ROBO2: variants seen among roughly 807,000 people sequenced by gnomAD.
ROBO2 encodes the protein roundabout guidance receptor 2.
A neutral mutation model predicts 160.8 loss-of-function variants in ROBO2; 53 were observed. The ratio of observed to expected loss-of-function variants is 0.33; its 90% CI spans 0.26 to 0.41. The LOEUF (loss-of-function observed/expected upper bound fraction) is 0.41, where lower values mean the gene tolerates loss of function less well. Ranked by LOEUF, ROBO2 falls within the 10% of genes least tolerant of loss-of-function variation. ROBO2 has a pLI of 1.00. For missense variants in ROBO2, 1,577 were observed against 1,722.4 expected (o/e 0.92, Z 1.49); for synonymous variants, 664 against 611.7 (o/e 1.09, Z -1.26).
In ROBO2 at chr3:76,478,379, T is replaced by C. The variant is rs372250055; in HGVS notation, c.109+540777T>C. 4.9e-3 allele frequency among the ~76,000 whole-genome samples: 738 copies of C among 151,928 alleles called. 6 individuals are homozygous for C. Among genetic ancestry groups the C allele is most frequent in the African/African-American group, 0.017 (720 of 41,412 alleles). On this transcript the variant is annotated intron_variant, in intron 2 of 26. Coordinates refer to the ROBO2 transcript ENST00000487694. ...GAACTCATCATTTTTTATGGCTGCA[T>C]AGTATTCCATGGTGTATATGTGCCA...
chr3:76,456,424 C>T (rs902906903), intron 2 of ROBO2, among the ~76,000 whole-genome samples: 1 of 152,160 alleles, frequency 6.6e-6, no homozygotes, highest in Non-Finnish European at 1.5e-5. Context: ...TCAGGTTTCT[C>T]AAACTGACTA....
intron 2 of ROBO2, among the ~76,000 whole-genome samples, chr3:76,802,497 G>A (rs924844282): frequency 6.6e-6 from 1 of 152,112 alleles, no homozygotes; most frequent in Non-Finnish European, 1.5e-5. Context: ...GGGAGGCTGA[G>A]GAGGGCGGAT....
intron 2 of ROBO2, among the ~76,000 whole-genome samples, chr3:77,346,732 G>T (rs980014587): frequency 1.3e-5 from 2 of 152,056 alleles, no homozygotes; most frequent in African/African-American, 4.8e-5. Context: ...GTGGGCTGGG[G>T]TTAGTTCTCA....
intron 2 of ROBO2, among the ~76,000 whole-genome samples, chr3:76,746,167 C>T (rs574546725): frequency 1.8e-4 from 28 of 152,144 alleles, no homozygotes; most frequent in Admixed American, 1.3e-3. Flanking sequence ...ATGAACTCAT[C>T]CTTTTTTATG....
At position 77,372,054 on chromosome 3, in the gene ROBO2, T is replaced by C. The variant is rs114416404; in HGVS notation, c.389-105360T>C. 2.0e-3 allele frequency among the ~76,000 whole-genome samples: 304 copies of C among 152,246 alleles called. 4 individuals are homozygous for C. Among genetic ancestry groups the C allele is most frequent in the African/African-American group, 6.5e-3 (272 of 41,548 alleles). On this transcript the variant is annotated intron_variant, in intron 2 of 25. Transcript: ENST00000461745. ...AAATCTTAATCCACATCAAGAGTTC[T>C]GTATTGTCCTGTGAATATCTAAAGC...
chr3:75,948,364 T>G (rs1337362101), intron 2 of ROBO2, among the ~76,000 whole-genome samples: 3 of 152,114 alleles, frequency 2.0e-5, no homozygotes, highest in Non-Finnish European at 4.4e-5. Flanking sequence ...ACTCTCCTGA[T>G]GAGGAGAATG....
intron 2 of ROBO2, among the ~76,000 whole-genome samples, chr3:76,776,935 T>C (rs1373383732): frequency 1.3e-5 from 2 of 151,032 alleles, no homozygotes; most frequent in African/African-American, 2.4e-5. Context: ...TGATATATTA[T>C]GAGGTAACAA....
intron 2 of ROBO2, among the ~76,000 whole-genome samples, chr3:76,372,909 G>A (rs557425262): frequency 9.9e-5 from 15 of 152,050 alleles, no homozygotes; most frequent in Non-Finnish European, 1.8e-4. Context: ...CACAAATGGG[G>A]AATATGGAGA....
At chr3:76,921,078 G>C (rs2076627766) in intron 2 of ROBO2, among the ~76,000 whole-genome samples, 1 of 152,172 alleles carries the variant, frequency 6.6e-6, no homozygotes, top group Admixed American at 6.5e-5. Flanking sequence ...TTTTTAGTGA[G>C]TCCTTTCAAG....
chr3:76,674,284 T>G (rs1182834220), intron 2 of ROBO2, among the ~76,000 whole-genome samples: 1 of 152,072 alleles, frequency 6.6e-6, no homozygotes, highest in Admixed American at 6.6e-5. Context: ...ATATTTTGCC[T>G]TTCTTAAAAT....
At chr3:77,311,598 C>A (rs2063545828) in intron 2 of ROBO2, among the ~76,000 whole-genome samples, 1 of 152,214 alleles carries the variant, frequency 6.6e-6, no homozygotes, top group African/African-American at 2.4e-5. Flanking sequence ...TCCCATACGA[C>A]AGTCATCTTG....
intron 2 of ROBO2, among the ~76,000 whole-genome samples, chr3:77,355,913 G>C (rs149135975): frequency 0.012 from 1,658 of 141,462 alleles, 16 homozygotes; most frequent in Middle Eastern, 0.018. Context: ...CAATCTCTGA[G>C]ACAGATAATC....
intron 2 of ROBO2, among the ~76,000 whole-genome samples, chr3:77,321,482 A>G (rs1053497429): frequency 9.9e-5 from 15 of 152,000 alleles, no homozygotes; most frequent in Admixed American, 5.3e-4. Flanking sequence ...ATGCCACTTC[A>G]CTCTCCAGCC....
intron 2 of ROBO2, among the ~76,000 whole-genome samples, chr3:76,397,684 CAAAAG>C (rs2077545604): frequency 6.6e-6 from 1 of 152,108 alleles, no homozygotes; most frequent in Non-Finnish European, 1.5e-5. Context: ...AGACACTTCT[CAAAAG>C]AAGACATTTA....
At chr3:77,435,905 T>C (rs1264825464) in intron 2 of ROBO2, among the ~76,000 whole-genome samples, 1 of 151,310 alleles carries the variant, frequency 6.6e-6, no homozygotes, top group Non-Finnish European at 1.5e-5. Flanking sequence ...GTAAATGTTT[T>C]ATGATGACAA....
At chr3:75,946,422 A>G (rs534191698) in intron 2 of ROBO2, among the ~76,000 whole-genome samples, 91 of 152,218 alleles carry the variant, frequency 6.0e-4, no homozygotes, top group African/African-American at 2.0e-3. Flanking sequence ...GCTATACTGT[A>G]GTGAGGAGGG....
chr3:76,064,059 G>T (rs1467157137), intron 2 of ROBO2, among the ~76,000 whole-genome samples: 1 of 152,140 alleles, frequency 6.6e-6, no homozygotes, highest in Non-Finnish European at 1.5e-5. Flanking sequence ...TCCTCTAACT[G>T]CAAGAAGCTG....
chr3:77,221,854 C>CTTTTTTTTTTTTTT (rs5850317), intron 2 of ROBO2, among the ~76,000 whole-genome samples: 2 of 140,284 alleles, frequency 1.4e-5, no homozygotes, highest in Non-Finnish European at 3.1e-5. Context: ...TTTTCTTTTT[C>CTTTTTTTTTTTTTT]TTTTTTTTTT....
At chr3:77,299,675 G>C (rs897678972) in intron 2 of ROBO2, among the ~76,000 whole-genome samples, 13 of 152,112 alleles carry the variant, frequency 8.5e-5, no homozygotes, top group Non-Finnish European at 1.8e-4. Flanking sequence ...TGGGGATTAT[G>C]GGAACTATAA....
Sources: gnomAD v4.1 joint callset for allele counts (sites outside exome capture counted in the v4.1 genomes callset) on GRCh38, gnomAD v4.1.1 for gene constraint, MANE v1.5 for transcripts, NCBI Gene and HGNC (gene_info 2026-07-23, HGNC 2026-07-21) for gene names.